The following ZNF710 variants were observed in gnomAD, a reference collection of about 807,000 sequenced individuals.
ZNF710 encodes the protein zinc finger protein 710.
In ZNF710, 13 loss-of-function variants were observed where a neutral mutation model predicts 50.6. The ratio of observed to expected loss-of-function variants is 0.26; its 90% CI spans 0.17 to 0.41. The LOEUF is 0.41. Ranked by LOEUF, ZNF710 falls within the 10% of genes least tolerant of loss-of-function variation. The pLI is 1.00. For synonymous variants in ZNF710, 383 were observed against 397.0 expected (o/e 0.96, Z 0.42); for missense variants, 721 against 936.6 (o/e 0.77, Z 3.01).
intron 1 of ZNF710, among the ~76,000 whole-genome samples, chr15:90,010,583 C>T (rs942592868): frequency 2.0e-5 from 3 of 152,202 alleles, no homozygotes; most frequent in South Asian, 2.1e-4. Flanking sequence ...TGTGAGCCAC[C>T]GCACCTGGCC....
intron 4 of ZNF710, among the ~76,000 whole-genome samples, chr15:90,078,211 CAAAAAA>C (rs35832666): frequency 0.13 from 14,752 of 116,250 alleles, 821 homozygotes; most frequent in South Asian, 0.19. Context: ...AACTCGGTCT[CAAAAAA>C]AAAAAAAAAA....
intron 1 of ZNF710, chr15:90,045,333 G>A (rs1254630965): frequency 7.1e-6 from 7 of 985,336 alleles, no homozygotes; most frequent in African/African-American, 1.7e-5. Flanking sequence ...AAGGAAGCTG[G>A]AAATGGCGGA....
At chr15:90,036,637 G>A (rs568669516) in intron 1 of ZNF710, among the ~76,000 whole-genome samples, 8 of 152,210 alleles carry the variant, frequency 5.3e-5, no homozygotes, top group Non-Finnish European at 8.8e-5. Flanking sequence ...TCATTCCCAA[G>A]GTCTGTGGCT....
intron 1 of ZNF710, among the ~76,000 whole-genome samples, chr15:90,012,750 A>G (rs940499390): frequency 6.6e-6 from 1 of 151,910 alleles, no homozygotes. Flanking sequence ...TAACTCATAG[A>G]TTTAATATAT....
Position 90,052,427 on chromosome 15 carries a change from A to C in ZNF710, c.-28-14683A>C, listed in dbSNP as rs375228334. On this transcript the variant is annotated intron_variant, in intron 1 of 4. Transcript: ENST00000268154. ...TGATCACTCGAGATTAAAAACAGCA[A>C]TGGAGAAGCCAGGAGGAGGCTGAGC... 3.3e-5 allele frequency among the ~76,000 whole-genome samples: 5 copies of C among 152,312 alleles called. No homozygotes were observed. In the East Asian group the frequency reaches 7.7e-4, roughly 23 times the overall value.
chr15:90,015,824 T>C (rs1596266669), intron 1 of ZNF710, among the ~76,000 whole-genome samples: 1 of 152,284 alleles, frequency 6.6e-6, no homozygotes, highest in East Asian at 1.9e-4. Context: ...TTGCCCAGGC[T>C]GGTCTCGAAC....
At chr15:90,008,425 T>TATATATATAC (rs1163160856) in intron 1 of ZNF710, among the ~76,000 whole-genome samples, 2 of 133,462 alleles carry the variant, frequency 1.5e-5, no homozygotes, top group African/African-American at 6.1e-5. Context: ...TGTGTGTGTG[T>TATATATATAC]GTATATATAT....
intron 1 of ZNF710, among the ~76,000 whole-genome samples, chr15:90,051,020 C>T (rs1307251208): frequency 4.6e-5 from 7 of 152,036 alleles, no homozygotes; most frequent in African/African-American, 1.7e-4. Flanking sequence ...GGGCGGATCA[C>T]TTGAGGTCAG....
At chr15:90,021,792 G>A (rs1279813664) in intron 1 of ZNF710, among the ~76,000 whole-genome samples, 2 of 152,164 alleles carry the variant, frequency 1.3e-5, no homozygotes, top group African/African-American at 4.8e-5. Context: ...AGCAGACAAA[G>A]GCGGCATGGG....
In ZNF710 at chr15:90,081,002, G is replaced by A. The variant is rs1900708432; in HGVS notation, c.*1173G>A. On this transcript the variant is annotated 3_prime_UTR_variant, in exon 5 of 5. Coordinates refer to ENST00000268154, the MANE Select transcript of ZNF710 (RefSeq NM_198526.4). ...CCACCCCGAGCAGCCTGGCCGGGCA[G>A]GACTGGGGCTCCATGGGGACTGTCA... 1 of 152,238 alleles carries A rather than the reference G, an allele frequency of 6.6e-6. No individual in the cohort carries two copies. The highest frequency in any genetic ancestry group is 1.5e-5 in the Non-Finnish European group (1 of 68,062). 9.4% of individuals were successfully genotyped at this position (152,238 alleles called of 1,614,324 possible). A position where few individuals can be genotyped will look rare whatever the true frequency, so the allele number is the denominator to read the frequency against.
upstream of ZNF710, among the ~76,000 whole-genome samples, chr15:90,000,298 A>G (rs376710809): frequency 1.2e-3 from 188 of 152,324 alleles, 1 homozygote; most frequent in East Asian, 0.031. Context: ...CCTGCGTTGC[A>G]GTCGAGAAAC....
intron 1 of ZNF710, among the ~76,000 whole-genome samples, chr15:90,044,708 T>G (rs1899407223): frequency 6.6e-6 from 1 of 152,154 alleles, no homozygotes; most frequent in East Asian, 1.9e-4. Context: ...GAAACGAACC[T>G]CCTCTGAGAG....
At chr15:90,036,815 G>A (rs1899141622) in intron 1 of ZNF710, among the ~76,000 whole-genome samples, 1 of 152,160 alleles carries the variant, frequency 6.6e-6, no homozygotes, top group South Asian at 2.1e-4. Context: ...CCTGAGAATG[G>A]CATCCAGACA....
At chr15:90,066,732 C>T (rs1011238362) in intron 1 of ZNF710, among the ~76,000 whole-genome samples, 4 of 152,126 alleles carry the variant, frequency 2.6e-5, no homozygotes, top group Non-Finnish European at 5.9e-5. Flanking sequence ...CCCATCTTGG[C>T]TTCCCAAAGT....
chr15:90,072,478 C>A (rs1900421822), intron 2 of ZNF710, among the ~76,000 whole-genome samples: 1 of 152,132 alleles, frequency 6.6e-6, no homozygotes, highest in Non-Finnish European at 1.5e-5. Flanking sequence ...GAGTTTGAGA[C>A]CCTTCGAAAT....
In ZNF710 at chr15:90,039,878, G is replaced by A. The variant is rs574878004; in HGVS notation, c.-28-27232G>A. ...TGTCCCATAAAGAAAAAAGTGCCTG[G>A]GACACCAAAGTCCCCTCTTCGAGTC... is the stretch of plus-strand genomic sequence containing the variant. On this transcript the variant is annotated intron_variant, in intron 1 of 4. Coordinates refer to ENST00000268154, the MANE Select transcript of ZNF710 (RefSeq NM_198526.4). 4.6e-5 allele frequency among the ~76,000 whole-genome samples: 7 copies of A among 152,268 alleles called. No homozygotes were observed. The South Asian group carries it at 1.5e-3, about 32-fold the overall frequency.
chr15:90,033,714 A>C (rs1005705765), intron 1 of ZNF710, among the ~76,000 whole-genome samples: 2 of 152,174 alleles, frequency 1.3e-5, no homozygotes, highest in Admixed American at 6.5e-5. Flanking sequence ...ATTCGCTACC[A>C]TGCCCAGCTT....
rs138705716 is a variant in ZNF710 at position 90,011,777 on chromosome 15, C to T, written c.-29+10163C>T. Reference sequence around the variant, plus strand: ...TTTTCTTCTTCTTCTTTTTTTTAGCCTAGAATATATATAATAATGGCTTCA... The same window carrying T: ...TTTTCTTCTTCTTCTTTTTTTTAGCTTAGAATATATATAATAATGGCTTCA... On this transcript the variant is annotated intron_variant, in intron 1 of 4. Transcript: ENST00000268154. Among the ~76,000 whole-genome samples, 193 of 151,728 alleles carry T rather than the reference C, an allele frequency of 1.3e-3. No individual in the cohort carries two copies. In the East Asian group the frequency reaches 0.017, roughly 13 times the overall value.
intron 1 of ZNF710, among the ~76,000 whole-genome samples, chr15:90,052,158 C>A (rs1322628459): frequency 6.6e-6 from 1 of 152,160 alleles, no homozygotes; most frequent in Non-Finnish European, 1.5e-5. Context: ...GGCCTGATCC[C>A]TGGCGCAGCA....
Sources: allele counts gnomAD v4.1 joint callset (sites outside exome capture counted in the v4.1 genomes callset), GRCh38; gene constraint gnomAD v4.1.1; transcripts MANE v1.5; gene names NCBI Gene and HGNC (gene_info 2026-07-23, HGNC 2026-07-21).